Variants in CC2D1B observed in about 807,000 individuals in gnomAD.
CC2D1B encodes the protein coiled-coil and C2 domain containing 1B.
CC2D1B carries 92 observed loss-of-function variants against 110.8 expected under a neutral mutation model. The ratio of observed to expected loss-of-function variants is 0.83; its 90% confidence interval spans 0.70 to 0.99. The LOEUF (loss-of-function observed/expected upper bound fraction) is 0.99. Ranked by LOEUF, CC2D1B falls within the 50% of genes least tolerant of loss-of-function variation. CC2D1B has a pLI of 0.00. For missense variants in CC2D1B, 1,136 were observed against 1,089.0 expected (o/e 1.04, Z -0.61); for synonymous variants, 406 against 429.2 (o/e 0.95, Z 0.67).
chr1:52,357,452 G>A, intron 15 of CC2D1B, 74 bp downstream of exon 15: 1 of 1,466,428 alleles, frequency 6.8e-7, no homozygotes, highest in Non-Finnish European at 9.2e-7. Flanking sequence ...AGCTGCCCTT[G>A]TTCACAGCCT....
At chr1:52,359,676 G>A (rs540695957) in intron 8 of CC2D1B, 29 bp downstream of exon 8, 1 of 1,565,464 alleles carries the variant, frequency 6.4e-7, no homozygotes, top group African/African-American at 1.4e-5. Context: ...TATAAAATGA[G>A]GGTGGGTGCC....
Position 52,359,554 on chromosome 1 carries a change from A to G in CC2D1B, c.943-20T>C. 1 of 1,612,204 alleles carries G rather than the reference A, an allele frequency of 6.2e-7. No individual in the cohort carries two copies. Among genetic ancestry groups the G allele is most frequent in the East Asian group, 2.2e-5 (1 of 44,840 alleles). On this transcript the variant is annotated intron_variant, in intron 8 of 24. Transcript: ENST00000284376. ...GAATCTCTGCAGAAGTTGGAAAAGC[A>G]GGTGTGGGTGAAAGACAGGGGACCC...
At chr1:52,359,567 A>G (rs757092713) in intron 8 of CC2D1B, 33 bp from the exon 9 acceptor site, 15 of 1,609,322 alleles carry the variant, frequency 9.3e-6, no homozygotes, top group African/African-American at 2.7e-5. Context: ...TGTGGGTGAA[A>G]GACAGGGGAC....
intron 24 of CC2D1B, 81 bp downstream of exon 24, chr1:52,353,437 T>G: frequency 6.5e-7 from 1 of 1,529,516 alleles, no homozygotes; most frequent in South Asian, 1.3e-5. Context: ...AACTCCTAGG[T>G]TTTCTCTCCA....
At position 52,355,646 on chromosome 1, in the gene CC2D1B, C is replaced by G. The variant is rs1317807349; in HGVS notation, c.2149G>C (p.Asp717His). Residue 717 changes from aspartate (D) to histidine (H), a missense_variant, in exon 20 of 25, where the codon GAT becomes CAT. By Grantham distance (81) the Asp-to-His change is moderately conservative. Transcript: ENST00000284376. Reference sequence around the variant, plus strand: ...TGAAACTCAAACCGCACAAAAGCATCCAGGTCATCGGGAGTCACCCCTGGG... The same window carrying G: ...TGAAACTCAAACCGCACAAAAGCATGCAGGTCATCGGGAGTCACCCCTGGG... ...APPGVTPDDLDAFVRFEFHYP... is the reference protein window; with the variant it reads ...APPGVTPDDLHAFVRFEFHYP... 8.7e-6 allele frequency: 14 copies of G among 1,614,056 alleles called. No individual in the cohort carries two copies. The highest frequency in any genetic ancestry group is 1.2e-5 in the Non-Finnish European group (14 of 1,180,044).
rs1312877552 is a variant in CC2D1B at position 52,358,426 on chromosome 1, CCA to C, written c.1364_1365del (p.Met455ArgfsTer3). 1 of 1,614,052 alleles carries C rather than the reference CCA, an allele frequency of 6.2e-7. No individual in the cohort carries two copies. The highest frequency in any genetic ancestry group is 1.3e-5 in the African/African-American group (1 of 75,038). ...GCTGCCACTGCGTCCTCCTCAACACCCATAGTGGACTCCAGGCCAGGGATGGG... is the reference window on the plus strand; with the variant it reads ...GCTGCCACTGCGTCCTCCTCAACACCTAGTGGACTCCAGGCCAGGGATGGG... Reference protein sequence around the residue: ...FPPIPGLESTMGVEEDAVAAT... With the variant: ...FPPIPGLESTXGVEEDAVAAT... On this transcript the variant is annotated frameshift_variant, in exon 13 of 25. Coordinates refer to ENST00000284376, the MANE Select transcript of CC2D1B (RefSeq NM_001330585.2). LOFTEE classifies it high-confidence loss of function.
chr1:52,359,821 C>CT lies in CC2D1B; in HGVS notation c.825dup (p.Asp276ArgfsTer64). 6.2e-7 allele frequency: 1 copy of CT among 1,611,872 alleles called. No homozygotes were observed. The highest frequency in any genetic ancestry group is 8.5e-7 in the Non-Finnish European group (1 of 1,179,048). On this transcript the variant is annotated frameshift_variant, in exon 8 of 25. Coordinates refer to ENST00000284376, the MANE Select transcript of CC2D1B (RefSeq NM_001330585.2). LOFTEE classifies it high-confidence loss of function. ...GACAGCAGGGCCCGCGGGTCTGGGT[C>CT]TAAGTCTGAAACGGGCTGGGCAGAA...
intron 1 of CC2D1B, among the ~76,000 whole-genome samples, chr1:52,365,727 G>A (rs1210897359): frequency 6.6e-6 from 1 of 152,238 alleles, no homozygotes; most frequent in Non-Finnish European, 1.5e-5. Flanking sequence ...AAGGCAGGAA[G>A]CCGGCGCATC....
intron 2 of CC2D1B, among the ~76,000 whole-genome samples, chr1:52,363,395 A>C (rs1446630224): frequency 4.6e-4 from 60 of 131,488 alleles, no homozygotes; most frequent in African/African-American, 1.9e-3. Context: ...ACTCCGTCTC[A>C]AAAAAAAAAA....
At chr1:52,365,110 A>G (rs1260400401) in intron 1 of CC2D1B, among the ~76,000 whole-genome samples, 1 of 152,264 alleles carries the variant, frequency 6.6e-6, no homozygotes, top group Admixed American at 6.5e-5. Flanking sequence ...TTCATCATCC[A>G]AGGACATGTC....
rs967963851 is a variant in CC2D1B, at chr1:52,353,227, C to T, written c.*2-4G>A. On this transcript the variant is annotated splice_polypyrimidine_tract_variant and splice_region_variant and intron_variant, in intron 24 of 24. Transcript: ENST00000284376. ...CTCTCCTGGTGCTGGCCATCGGCTA[C>T]ACAGGGGTGCAAAGCACAAGAAGTC... is the stretch of plus-strand genomic sequence containing the variant. The T allele has an allele frequency of 5.3e-5, 73 of 1,369,474 alleles. No individual in the cohort carries two copies. The highest frequency in any genetic ancestry group is 6.8e-5 in the Non-Finnish European group (70 of 1,032,372). The allele number at this position is 1,369,474 out of a possible 1,614,324, so 84.8% of individuals were successfully genotyped here. A position where few individuals can be genotyped will look rare whatever the true frequency, so the allele number is the denominator to read the frequency against.
Position 52,362,649 on chromosome 1 carries a change from G to T in CC2D1B, c.167C>A (p.Thr56Lys). 2 of 1,614,162 alleles carry T rather than the reference G, an allele frequency of 1.2e-6. No individual in the cohort carries two copies. The highest frequency in any genetic ancestry group is 1.7e-6 in the Non-Finnish European group (2 of 1,180,030). ...CTTGCCTGTGGTTTGTGCTTCCCCT[G>T]TGAGAGCCAGCAGCTCAGCCTCCAG... ...EDLEAELLAL[T>K]GEAQTTGKKP... The change falls in exon 3 of 25, where the codon ACA (threonine) becomes AAA (lysine). Residue 56 changes from threonine (T) to lysine (K), a missense_variant. Transcript: ENST00000284376.
rs765695799 is a variant in CC2D1B at position 52,355,405 on chromosome 1, G to A, written c.2232C>T (p.Asn744=). The A allele has an allele frequency of 5.0e-6, 8 of 1,614,120 alleles. No individual in the cohort carries two copies. In the South Asian group the frequency reaches 8.8e-5, roughly 18 times the overall value. ...CCCACGTGTGGCCCTCACCTGGAGAGTTTGTGTTCTTCACCACAGCTGTTT... is the reference window on the plus strand; with the variant it reads ...CCCACGTGTGGCCCTCACCTGGAGAATTTGTGTTCTTCACCACAGCTGTTT... The part of the protein sequence containing the change: ...KSKTAVVKNT[N]SPEFDQLFKL... Residue 744 remains asparagine, a synonymous_variant, in exon 21 of 25, where the codon AAC becomes AAT. Coordinates refer to ENST00000284376, the MANE Select transcript of CC2D1B (RefSeq NM_001330585.2).
At position 52,361,566 on chromosome 1, in the gene CC2D1B, C is replaced by A; in HGVS notation, c.265G>T (p.Asp89Tyr). Reference sequence around the variant, plus strand: ...TCCTCCTCCTCCTCCTCCTCCACATCCCGCATACAGTCTGCCGCCAACTTC... The same window carrying A: ...TCCTCCTCCTCCTCCTCCTCCACATACCGCATACAGTCTGCCGCCAACTTC... ...IEKLAADCMR[D>Y]VEEEEEEEGL... Residue 89 changes from aspartate to tyrosine, a missense_variant, in exon 4 of 25, where the codon GAT becomes TAT. Coordinates refer to ENST00000284376, the MANE Select transcript of CC2D1B (RefSeq NM_001330585.2). The A allele has an allele frequency of 1.2e-6, 2 of 1,613,948 alleles. No individual in the cohort carries two copies. The highest frequency in any genetic ancestry group is 1.7e-6 in the Non-Finnish European group (2 of 1,180,024).
chr1:52,352,737 C>G lies in CC2D1B; in HGVS notation c.*488G>C, dbSNP rs569803870. The G allele has an allele frequency of 6.5e-6, 1 of 153,256 alleles. No individual in the cohort carries two copies. Among genetic ancestry groups the G allele is most frequent in the Admixed American group, 6.5e-5 (1 of 15,332 alleles). The allele number at this position is 153,256 out of a possible 1,614,324, so 9.5% of individuals were successfully genotyped here. On this transcript the variant is annotated 3_prime_UTR_variant, in exon 25 of 25. Transcript: ENST00000284376. ...AAAGGCACAGGCAGAGCTGGGGTGA[C>G]GGAGTTGTCTGGGACAGGCTACCAC...
intron 23 of CC2D1B, 190 bp downstream of exon 23, chr1:52,354,418 C>CT: frequency 1.4e-6 from 1 of 708,122 alleles, no homozygotes; most frequent in Non-Finnish European, 2.6e-6. Context: ...TCCTGGGTCC[C>CT]TCTGTGAGAT....
intron 3 of CC2D1B, 52 bp downstream of exon 3, chr1:52,362,550 G>T: frequency 6.2e-7 from 1 of 1,608,394 alleles, no homozygotes; most frequent in Non-Finnish European, 8.5e-7. Context: ...TCTACCACCA[G>T]CCTGTGCCCA....
In CC2D1B at chr1:52,354,291, G is replaced by A. The variant is rs1248979193; in HGVS notation, c.2430+317C>T. 1.5e-5 allele frequency: 8 copies of A among 541,276 alleles called. No individual in the cohort carries two copies. The East Asian group carries it at 2.3e-4, about 15-fold the overall frequency. 33.5% of individuals were successfully genotyped at this position (541,276 alleles called of 1,614,324 possible). ...TAGCTCTGCCAAGGACACACCATAT[G>A]AGCTTACAGAACCCCCTTTCCTCTC... is the stretch of plus-strand genomic sequence containing the variant. On this transcript the variant is annotated intron_variant, in intron 23 of 24. Coordinates refer to ENST00000284376, the MANE Select transcript of CC2D1B (RefSeq NM_001330585.2).
chr1:52,356,040 A>G (rs1646644245), intron 18 of CC2D1B, 146 bp downstream of exon 18: 6 of 876,388 alleles, frequency 6.8e-6, no homozygotes. Flanking sequence ...CTCCACTAGC[A>G]TGCACCCTGT....
Sources: allele counts gnomAD v4.1 joint callset (sites outside exome capture counted in the v4.1 genomes callset), GRCh38; gene constraint gnomAD v4.1.1; transcripts MANE v1.5; gene names NCBI Gene and HGNC (gene_info 2026-07-23, HGNC 2026-07-21).